Variants in QRICH1 observed in about 807,000 individuals in gnomAD.
QRICH1 encodes the protein transcriptional regulator QRICH1.
In QRICH1, 16 loss-of-function variants were observed where a neutral mutation model predicts 87.1. That is an observed-to-expected ratio of 0.18 (90% CI 0.12 to 0.28). The LOEUF is 0.28. Ranked by LOEUF, QRICH1 falls within the 10% of genes least tolerant of loss-of-function variation. The pLI is 1.00. For synonymous variants in QRICH1, 367 were observed against 368.4 expected (o/e 1.00, Z 0.05); for missense variants, 647 against 951.7 (o/e 0.68, Z 4.21).
Position 49,057,757 on chromosome 3 carries a change from G to C in QRICH1, c.443C>G (p.Ala148Gly). The change falls in exon 3 of 10, where the codon GCC becomes GGC. Residue 148 changes from alanine to glycine, a missense_variant. By Grantham distance (60) the Ala-to-Gly change is moderately conservative. Coordinates refer to ENST00000395443, the MANE Select transcript of QRICH1 (RefSeq NM_198880.3). This position sits in a 1 kb window ranked among gnomAD's most constrained non-coding sequence, Gnocchi z 5.4. ...QIQGQAPQSA[A>G]PSIQTPSLQS... ...CAGAGACGGGGTCTGAATGGAGGGG[G>C]CTGCTGACTGTGGTGCCTGGCCTTG... 6.2e-7 allele frequency: 1 copy of C among 1,614,210 alleles called. No homozygotes were observed. Among genetic ancestry groups the C allele is most frequent in the Non-Finnish European group, 8.5e-7 (1 of 1,180,038 alleles).
intron 2 of QRICH1, among the ~76,000 whole-genome samples, chr3:49,058,856 G>A (rs182652162): frequency 1.5e-4 from 23 of 152,158 alleles, no homozygotes; most frequent in African/African-American, 5.3e-4. Context: ...TCGAACTCCC[G>A]ACCTCAAGTG....
At chr3:49,076,599 A>T in intron 2 of QRICH1, 110 bp downstream of exon 2, 2 of 1,039,742 alleles carry the variant, frequency 1.9e-6, no homozygotes, top group Non-Finnish European at 2.6e-6. Flanking sequence ...TGAAAATCTT[A>T]GTGTTAAATA....
chr3:49,083,345 T>C (rs1465204903), intron 1 of QRICH1: 1 of 151,594 alleles, frequency 6.6e-6, no homozygotes, highest in Admixed American at 6.6e-5. Context: ...CAATCGGGTG[T>C]CCACACTAAG....
At chr3:49,034,018 C>CA (rs932897058) in intron 6 of QRICH1, among the ~76,000 whole-genome samples, 161 of 150,656 alleles carry the variant, frequency 1.1e-3, no homozygotes, top group African/African-American at 2.9e-3. Flanking sequence ...ACAAAAAAAA[C>CA]AAAAAAAACG....
intron 3 of QRICH1, 76 bp downstream of exon 3, chr3:49,056,786 G>T: frequency 6.2e-7 from 1 of 1,602,168 alleles, no homozygotes; most frequent in Non-Finnish European, 8.5e-7. Flanking sequence ...TAAGCCAGAG[G>T]TTGCGAGGCA....
upstream of QRICH1, chr3:49,094,277 G>C: frequency 8.0e-6 from 3 of 373,338 alleles, no homozygotes; most frequent in Non-Finnish European, 1.4e-5. Flanking sequence ...TAGGGCCGTG[G>C]CTTGGCCTAG....
chr3:49,032,939 G>C, intron 7 of QRICH1, 166 bp from the exon 8 acceptor site: 6 of 976,446 alleles, frequency 6.1e-6, no homozygotes, highest in Non-Finnish European at 7.3e-6. Context: ...AAGATGGATG[G>C]TAGGGGTCTG....
At chr3:49,089,513 C>T (rs538920756) in intron 1 of QRICH1, among the ~76,000 whole-genome samples, 3 of 151,964 alleles carry the variant, frequency 2.0e-5, no homozygotes, top group Non-Finnish European at 4.4e-5. Flanking sequence ...TATGAAGGAA[C>T]TTTTTTTTAA....
intron 2 of QRICH1, among the ~76,000 whole-genome samples, chr3:49,062,336 G>GAA (rs1350130360): frequency 2.2e-5 from 2 of 89,966 alleles, no homozygotes. Context: ...CTCCATCTCA[G>GAA]AAAAAAAAAA....
At position 49,057,792 on chromosome 3, in the gene QRICH1, C is replaced by T. The variant is rs2093411861; in HGVS notation, c.408G>A (p.Gln136=). 1.2e-6 allele frequency: 2 copies of T among 1,614,118 alleles called. No individual in the cohort carries two copies. Among genetic ancestry groups the T allele is most frequent in the Non-Finnish European group, 1.7e-6 (2 of 1,180,024 alleles). Residue 136 remains glutamine, a synonymous_variant, in exon 3 of 10, where the codon CAG becomes CAA. Coordinates refer to ENST00000395443, the MANE Select transcript of QRICH1 (RefSeq NM_198880.3). This position sits in a 1 kb window ranked among gnomAD's most constrained non-coding sequence, Gnocchi z 5.4. ...HQPTEQPIQV[Q]VQIQGQAPQS... is the part of the protein sequence containing the mutation. ...GTGGTGCCTGGCCTTGGATCTGCAC[C>T]TGGACCTGGATGGGTTGCTCAGTAG...
chr3:49,042,576 G>GT (rs1171355226), intron 6 of QRICH1, among the ~76,000 whole-genome samples: 13 of 151,708 alleles, frequency 8.6e-5, no homozygotes, highest in African/African-American at 3.2e-4. Flanking sequence ...AGGTGAAAAG[G>GT]TTTGTTTTTT....
intron 2 of QRICH1, among the ~76,000 whole-genome samples, chr3:49,066,430 A>G (rs1358365164): frequency 6.6e-6 from 1 of 151,996 alleles, no homozygotes; most frequent in African/African-American, 2.4e-5. Flanking sequence ...CATATGCTTC[A>G]TGCTTTACTG....
chr3:49,079,460 A>C (rs1319967153), intron 1 of QRICH1, among the ~76,000 whole-genome samples: 1 of 148,074 alleles, frequency 6.8e-6, no homozygotes, highest in African/African-American at 2.4e-5. Context: ...ATGTAATATA[A>C]ATATAATTTT....
At chr3:49,049,851 A>T (rs2093360064) in intron 3 of QRICH1, among the ~76,000 whole-genome samples, 1 of 151,998 alleles carries the variant, frequency 6.6e-6, no homozygotes. Context: ...AAGATTTTCC[A>T]TTTTTTTAGT....
At chr3:49,033,250 C>T (rs1360040383) in intron 6 of QRICH1, 22 bp from the exon 7 acceptor site, 2 of 1,444,562 alleles carry the variant, frequency 1.4e-6, no homozygotes, top group South Asian at 2.9e-5. Flanking sequence ...AGAGTACTGT[C>T]ACAACAAGAG....
At chr3:49,042,449 C>A (rs143221438) in intron 6 of QRICH1, among the ~76,000 whole-genome samples, 1 of 152,246 alleles carries the variant, frequency 6.6e-6, no homozygotes, top group Non-Finnish European at 1.5e-5. Flanking sequence ...AGGAACAAAT[C>A]TGAAAAGGCC....
At chr3:49,053,717 G>T (rs1298216137) in intron 3 of QRICH1, among the ~76,000 whole-genome samples, 2 of 152,124 alleles carry the variant, frequency 1.3e-5, no homozygotes, top group African/African-American at 4.8e-5. Flanking sequence ...GAAAAATGGG[G>T]CCACAGATGG....
chr3:49,032,082 G>C (rs1222202713), intron 9 of QRICH1, 101 bp downstream of exon 9: 5 of 987,952 alleles, frequency 5.1e-6, no homozygotes, highest in African/African-American at 3.2e-5. Flanking sequence ...TTTGGGACTA[G>C]AGAATGCCTC....
At chr3:49,054,248 G>A (rs2093388170) in intron 3 of QRICH1, among the ~76,000 whole-genome samples, 2 of 152,102 alleles carry the variant, frequency 1.3e-5, no homozygotes, top group African/African-American at 4.8e-5. Context: ...ACCTGCAATT[G>A]GACCATCAGG....
Sources: gnomAD v4.1 joint callset for allele counts (sites outside exome capture counted in the v4.1 genomes callset) on GRCh38, gnomAD v4.1.1 for gene constraint, Gnocchi (gnomAD v3.1) non-coding constraint, MANE v1.5 for transcripts, NCBI Gene and HGNC (gene_info 2026-07-23, HGNC 2026-07-21) for gene names.